The following IFT80 variants were observed in gnomAD, a reference collection of about 807,000 sequenced individuals.
IFT80 encodes intraflagellar transport 80, also known as intraflagellar transport protein 80 homolog.
Under a neutral mutation model 107.9 loss-of-function variants are expected in IFT80, and 79 were observed. The ratio of observed to expected loss-of-function variants is 0.73; its 90% CI spans 0.61 to 0.88. The LOEUF (loss-of-function observed/expected upper bound fraction) is 0.88. Among genes scored for constraint, IFT80 ranks in the 40% least tolerant of loss-of-function variants. The pLI is 0.00. For missense variants in IFT80, 797 were observed against 914.2 expected (o/e 0.87, Z 1.65); for synonymous variants, 299 against 300.9 (o/e 0.99, Z 0.07).
intron 9 of IFT80, among the ~76,000 whole-genome samples, chr3:160,317,768 C>T (rs1480653784): frequency 6.6e-6 from 1 of 151,960 alleles, no homozygotes; most frequent in Non-Finnish European, 1.5e-5. Context: ...AGAAACTCTA[C>T]CAGACAGATA....
intron 8 of IFT80, among the ~76,000 whole-genome samples, chr3:160,327,101 A>G (rs1277541001): frequency 6.6e-6 from 1 of 152,180 alleles, no homozygotes; most frequent in Non-Finnish European, 1.5e-5. Context: ...TAAAATACCT[A>G]GGAATACAGC....
intron 16 of IFT80, among the ~76,000 whole-genome samples, chr3:160,278,859 G>T (rs925003302): frequency 1.3e-5 from 2 of 152,092 alleles, no homozygotes; most frequent in Non-Finnish European, 2.9e-5. Flanking sequence ...ATCATCTGAG[G>T]AAATTAAAAA....
chr3:160,264,737 G>A (rs919726140), intron 19 of IFT80, among the ~76,000 whole-genome samples: 2 of 151,802 alleles, frequency 1.3e-5, no homozygotes, highest in African/African-American at 4.8e-5. Flanking sequence ...ACCGCACCTT[G>A]CGGAATCAGG....
chr3:160,321,385 A>ATC (rs1019715840), intron 8 of IFT80, among the ~76,000 whole-genome samples: 7 of 151,746 alleles, frequency 4.6e-5, no homozygotes, highest in South Asian at 4.1e-4. Context: ...GGCTTATGGC[A>ATC]TCTCTCTCTC....
intron 2 of IFT80, chr3:160,383,638 A>C: frequency 7.1e-6 from 7 of 979,244 alleles, no homozygotes; most frequent in Non-Finnish European, 7.3e-6. Context: ...TTATTTACCT[A>C]TTCTTTCACA....
intron 8 of IFT80, among the ~76,000 whole-genome samples, chr3:160,346,620 G>A (rs987475501): frequency 1.3e-5 from 2 of 151,836 alleles, no homozygotes; most frequent in Admixed American, 6.6e-5. Context: ...GCTTGTTGAG[G>A]GCTCAGTTAA....
chr3:160,277,540 G>GA (rs1714361895), intron 17 of IFT80, 41 bp downstream of exon 17: 1 of 1,583,530 alleles, frequency 6.3e-7, no homozygotes, highest in African/African-American at 1.3e-5. Flanking sequence ...ATTACGCTAA[G>GA]AAAAAACACA....
At chr3:160,398,185 G>A (rs1337137843) in intron 1 of IFT80, among the ~76,000 whole-genome samples, 1 of 152,036 alleles carries the variant, frequency 6.6e-6, no homozygotes, top group Non-Finnish European at 1.5e-5. Flanking sequence ...TTGAGTCTAC[G>A]CTTATGCAAT....
chr3:160,335,625 C>T (rs1216846377), intron 8 of IFT80, among the ~76,000 whole-genome samples: 1 of 152,294 alleles, frequency 6.6e-6, no homozygotes, highest in South Asian at 2.1e-4. Context: ...TTTTTGCATT[C>T]TATTTTTCCC....
chr3:160,296,159 G>C (rs1715965043), intron 12 of IFT80, among the ~76,000 whole-genome samples: 1 of 151,984 alleles, frequency 6.6e-6, no homozygotes, highest in Non-Finnish European at 1.5e-5. Context: ...TAGATCTCAT[G>C]TTAACTATTT....
chr3:160,351,149 C>T (rs1720670139), intron 8 of IFT80, among the ~76,000 whole-genome samples: 1 of 151,850 alleles, frequency 6.6e-6, no homozygotes, highest in South Asian at 2.1e-4. Flanking sequence ...TGTTATATCA[C>T]GTCAGACTAT....
In IFT80 at chr3:160,381,603, A is replaced by C; in HGVS notation, c.159T>G (p.Leu53=). 1.9e-6 allele frequency: 3 copies of C among 1,613,424 alleles called. No individual in the cohort carries two copies. Among genetic ancestry groups the C allele is most frequent in the Non-Finnish European group, 2.5e-6 (3 of 1,179,866 alleles). ...LTSETTQIVK[L]PDDIYPIDFH... ...AATCAATAGGGTAAATATCATCAGG[A>C]AGCTTTACTATTTGAGTTGTTTCAC... The change falls in exon 3 of 20, where the codon CTT becomes CTG. Residue 53 remains leucine (L), a synonymous_variant. Coordinates refer to ENST00000326448, the MANE Select transcript of IFT80 (RefSeq NM_020800.3).
intron 8 of IFT80, among the ~76,000 whole-genome samples, chr3:160,341,684 CTG>C (rs2108335293): frequency 6.6e-6 from 1 of 152,244 alleles, no homozygotes; most frequent in South Asian, 2.1e-4. Flanking sequence ...GTTGTTAACA[CTG>C]GTCACTTTCC....
Position 160,312,824 on chromosome 3 carries a change from AAT to A in IFT80, c.958-5045_958-5044del, listed in dbSNP as rs1257230019. Among the ~76,000 whole-genome samples, 72 of 34,570 alleles carry A rather than the reference AAT, an allele frequency of 2.1e-3. 5 individuals carry two copies. The highest frequency in any genetic ancestry group is 6.1e-3 in the African/African-American group (55 of 8,954). 22.7% of individuals were successfully genotyped at this position (34,570 alleles called of 152,430 possible). A position where few individuals can be genotyped will look rare whatever the true frequency, so the allele number is the denominator to read the frequency against. On this transcript the variant is annotated intron_variant, in intron 9 of 19. Coordinates refer to ENST00000326448, the MANE Select transcript of IFT80 (RefSeq NM_020800.3). ...AAATGTATATTATATATAAATATATAATATATATATAATAAATGTATATTATA... is the reference window on the plus strand; with the variant it reads ...AAATGTATATTATATATAAATATATAATATATATAATAAATGTATATTATA...
intron 16 of IFT80, among the ~76,000 whole-genome samples, chr3:160,278,196 A>G (rs1156355971): frequency 6.6e-6 from 1 of 152,246 alleles, no homozygotes; most frequent in Admixed American, 6.5e-5. Flanking sequence ...TAAACAAGCA[A>G]GCTGGAAGCT....
chr3:160,292,587 C>T (rs1715655763), intron 12 of IFT80, among the ~76,000 whole-genome samples: 1 of 148,418 alleles, frequency 6.7e-6, no homozygotes, highest in Admixed American at 6.8e-5. Flanking sequence ...TCAAGCAATT[C>T]TCCTGCCTCA....
intron 8 of IFT80, among the ~76,000 whole-genome samples, chr3:160,325,726 A>C (rs760968652): frequency 1.2e-4 from 19 of 152,152 alleles, no homozygotes; most frequent in Non-Finnish European, 2.5e-4. Flanking sequence ...TGTTTCATAT[A>C]TATGTTATAC....
intron 8 of IFT80, among the ~76,000 whole-genome samples, chr3:160,323,475 C>T (rs919434619): frequency 6.6e-6 from 1 of 152,062 alleles, no homozygotes; most frequent in Non-Finnish European, 1.5e-5. Context: ...TAGCATGATG[C>T]CTCCAGCTTT....
rs543944315 is a variant in IFT80, at chr3:160,309,774, G to T, written c.958-1993C>A. Among the ~76,000 whole-genome samples, 23 of 151,538 alleles carry T rather than the reference G, an allele frequency of 1.5e-4. 1 individual carries two copies. The highest frequency in any genetic ancestry group is 5.6e-4 in the African/African-American group (23 of 41,266). Reference sequence around the variant, plus strand: ...GAAGAATATGAAGATATATGGATTTGCTCACATTTAAAAAAAAAACAAGAA... The same window carrying T: ...GAAGAATATGAAGATATATGGATTTTCTCACATTTAAAAAAAAAACAAGAA... On this transcript the variant is annotated intron_variant, in intron 9 of 19. Coordinates refer to ENST00000326448, the MANE Select transcript of IFT80 (RefSeq NM_020800.3).
Sources: allele counts gnomAD v4.1 joint callset (sites outside exome capture counted in the v4.1 genomes callset), GRCh38; gene constraint gnomAD v4.1.1; transcripts MANE v1.5; gene names NCBI Gene and HGNC (gene_info 2026-07-23, HGNC 2026-07-21).